The following WNK2 variants were observed in gnomAD, a reference collection of about 807,000 sequenced individuals.
WNK2 encodes WNK lysine deficient protein kinase 2.
Under a neutral mutation model 192.1 loss-of-function variants are expected in WNK2, and 67 were observed. The observed-to-expected ratio is 0.35, with a 90% CI of 0.29 to 0.43. The LOEUF (loss-of-function observed/expected upper bound fraction) is 0.43, where lower values mean the gene tolerates loss of function less well. Among genes scored for constraint, WNK2 ranks in the 20% least tolerant of loss-of-function variants. WNK2 has a pLI of 1.00. For missense variants in WNK2, 2,698 were observed against 3,089.7 expected, an observed-to-expected ratio of 0.87 and a Z score of 3.01; for synonymous variants, 1,439 against 1,393.9, an observed-to-expected ratio of 1.03 and a Z score of -0.72.
At position 93,230,975 on chromosome 9, in the gene WNK2, A is replaced by G. The variant is rs1365659377; in HGVS notation, c.942A>G (p.Thr314=). ...TGAAGGGCCTGCTGTTCCTGCACAC[A>G]AGGACGCCACCCATCATCCACCGAG... is the stretch of plus-strand genomic sequence containing the variant. ...QILKGLLFLH[T]RTPPIIHRDL... is the part of the protein sequence containing the mutation. Residue 314 remains threonine (T), a synonymous_variant, in exon 4 of 30, where the codon ACA becomes ACG. Coordinates refer to ENST00000427277, the MANE Select transcript of WNK2 (RefSeq NM_006648.4). 2 of 1,611,912 alleles carry G rather than the reference A, an allele frequency of 1.2e-6. No homozygotes were observed. Among genetic ancestry groups the G allele is most frequent in the Non-Finnish European group, 1.7e-6 (2 of 1,179,168 alleles).
At chr9:93,265,801 T>C (rs1219646813) in intron 16 of WNK2, among the ~76,000 whole-genome samples, 1 of 152,362 alleles carries the variant, frequency 6.6e-6, no homozygotes. Context: ...TCAGCCTGTG[T>C]CGTGTCCACT....
At chr9:93,285,907 G>A (rs1205275836) in intron 19 of WNK2, among the ~76,000 whole-genome samples, 2 of 152,158 alleles carry the variant, frequency 1.3e-5, no homozygotes, top group African/African-American at 2.4e-5. Flanking sequence ...TGACAAGAAA[G>A]GTCCGATTGT....
intron 2 of WNK2, among the ~76,000 whole-genome samples, chr9:93,210,427 C>T (rs1480251668): frequency 1.3e-5 from 2 of 151,998 alleles, no homozygotes; most frequent in East Asian, 3.9e-4. Flanking sequence ...TGGGTCAGGG[C>T]GGCTGTCAGG....
At chr9:93,264,410 C>A (rs144876538) in intron 16 of WNK2, among the ~76,000 whole-genome samples, 67 of 152,276 alleles carry the variant, frequency 4.4e-4, no homozygotes, top group African/African-American at 1.5e-3. Flanking sequence ...CCAGCCTCCC[C>A]AGCTGGAGTG....
Position 93,308,413 on chromosome 9 carries a change from C to T in WNK2, c.6345C>T (p.Asn2115=), listed in dbSNP as rs1249142562. The change falls in exon 28 of 30, where the codon AAC becomes AAT. Residue 2115 remains asparagine, a synonymous_variant. Transcript: ENST00000427277. The part of the protein sequence containing the change: ...LHVQAQVNNS[N]NKKGTFTDDL... ...TCCAGGCGCAGGTGAACAACAGCAA[C>T]AACAAGAAGGGTACCTTCACGGACG... 1 of 1,600,706 alleles carries T rather than the reference C, an allele frequency of 6.2e-7. No homozygotes were observed. Among genetic ancestry groups the T allele is most frequent in the Non-Finnish European group, 8.5e-7 (1 of 1,174,508 alleles).
rs986801697 is a variant in WNK2, at chr9:93,253,043, C to T, written c.1995C>T (p.Ser665=). Residue 665 remains serine (S), a synonymous_variant, in exon 9 of 30, where the codon AGC becomes AGT. Coordinates refer to ENST00000427277, the MANE Select transcript of WNK2 (RefSeq NM_006648.4). ...GCGAGGGGCCCGTCCTGCCGCAGAG[C>T]CTGCCCTCGCTGGGGGCCTACCAGC... ...PVSEGPVLPQ[S]LPSLGAYQQP... 2 of 1,527,046 alleles carry T rather than the reference C, an allele frequency of 1.3e-6. No individual in the cohort carries two copies. Among genetic ancestry groups the T allele is most frequent in the African/African-American group, 2.8e-5 (2 of 72,430 alleles). 94.6% of individuals were successfully genotyped at this position (1,527,046 alleles called of 1,614,324 possible). A position where few individuals can be genotyped will look rare whatever the true frequency, so the allele number is the denominator to read the frequency against.
At chr9:93,230,388 A>T (rs1400737696) in intron 3 of WNK2, among the ~76,000 whole-genome samples, 1 of 152,146 alleles carries the variant, frequency 6.6e-6, no homozygotes, top group Non-Finnish European at 1.5e-5. Flanking sequence ...GATGCGCTGC[A>T]AGAGGAGAGC....
At chr9:93,303,073 C>T (rs1341034212) in intron 26 of WNK2, among the ~76,000 whole-genome samples, 3 of 152,190 alleles carry the variant, frequency 2.0e-5, no homozygotes, top group Admixed American at 6.5e-5. Flanking sequence ...TCTGCACCAC[C>T]ACACCCAGCT....
rs1049079157 is a variant in WNK2 at position 93,229,513 on chromosome 9, G to A, written c.682-183G>A. ...CTTTTTGGGGGCTGTGTCCAGGGTT[G>A]TGGGGACTAAGGAGTCAGCAGTTGT... is the stretch of plus-strand genomic sequence containing the variant. On this transcript the variant is annotated intron_variant, in intron 2 of 29. Transcript: ENST00000427277. This position sits in a 1 kb window ranked among gnomAD's most constrained non-coding sequence, Gnocchi z 4.9. Among the ~76,000 whole-genome samples, 3 of 152,102 alleles carry A rather than the reference G, an allele frequency of 2.0e-5. No individual in the cohort carries two copies. The highest frequency in any genetic ancestry group is 4.4e-5 in the Non-Finnish European group (3 of 68,020).
chr9:93,293,291 C>G, intron 23 of WNK2, 118 bp downstream of exon 23: 1 of 949,008 alleles, frequency 1.1e-6, no homozygotes, highest in Middle Eastern at 3.4e-4. Flanking sequence ...CCACTTGGAG[C>G]TGCCAAGCAG....
chr9:93,226,586 C>T (rs1837857575), intron 2 of WNK2, among the ~76,000 whole-genome samples: 1 of 152,170 alleles, frequency 6.6e-6, no homozygotes, highest in African/African-American at 2.4e-5. Flanking sequence ...TGATGTGGAA[C>T]ATTTCTCCAT....
chr9:93,287,021 C>T (rs536441579), intron 19 of WNK2, among the ~76,000 whole-genome samples: 7 of 152,278 alleles, frequency 4.6e-5, no homozygotes, highest in South Asian at 4.1e-4. Context: ...GAGAGGGAAA[C>T]GGAGTTACCA....
In WNK2 at chr9:93,259,493, C is replaced by G. The variant is rs191106035; in HGVS notation, c.2945C>G (p.Pro982Arg). The G allele has an allele frequency of 1.9e-6, 3 of 1,550,026 alleles. No homozygotes were observed. The highest frequency in any genetic ancestry group is 2.8e-5 in the African/African-American group (2 of 71,362). ...PTRPPQPVLP[P>R]QPMLPPQPVL... Reference sequence around the variant, plus strand: ...CGGCCCCCTCAACCTGTGCTGCCCCCGCAACCCATGCTGCCCCCACAACCT... The same window carrying G: ...CGGCCCCCTCAACCTGTGCTGCCCCGGCAACCCATGCTGCCCCCACAACCT... The change falls in exon 12 of 30, where the codon CCG becomes CGG. Residue 982 changes from proline (P) to arginine (R), a missense_variant. Around this residue, in one of 7 missense-constraint regions of WNK2, gnomAD observed 893 missense variants for 909.0 expected, o/e 0.98. Coordinates refer to ENST00000427277, the MANE Select transcript of WNK2 (RefSeq NM_006648.4). This position sits in a 1 kb window ranked among gnomAD's most constrained non-coding sequence, Gnocchi z 4.8.
At chr9:93,187,208 T>A (rs1829503404) in intron 2 of WNK2, among the ~76,000 whole-genome samples, 1 of 152,132 alleles carries the variant, frequency 6.6e-6, no homozygotes, top group Admixed American at 6.5e-5. Flanking sequence ...CGCAGGCGCA[T>A]GTGACTCTTG....
chr9:93,306,512 A>G, intron 26 of WNK2: 1 of 430,816 alleles, frequency 2.3e-6, no homozygotes. Flanking sequence ...TTCTTAGAAT[A>G]TGCTTCTAGA....
intron 8 of WNK2, among the ~76,000 whole-genome samples, chr9:93,250,815 C>T (rs1482247228): frequency 7.7e-6 from 1 of 129,738 alleles, no homozygotes; most frequent in East Asian, 2.2e-4. Flanking sequence ...GACGGAGTCT[C>T]GCTCTGTCAC....
At chr9:93,194,873 G>A in intron 2 of WNK2, among the ~76,000 whole-genome samples, 1 of 152,160 alleles carries the variant, frequency 6.6e-6, no homozygotes, top group East Asian at 1.9e-4. Context: ...CTTATTTAGT[G>A]CTAAAAGAAA....
At chr9:93,277,404 T>C (rs1292390598) in intron 19 of WNK2, among the ~76,000 whole-genome samples, 1 of 152,218 alleles carries the variant, frequency 6.6e-6, no homozygotes, top group African/African-American at 2.4e-5. Flanking sequence ...TAAACATCTA[T>C]GTATGAATGA....
chr9:93,308,127 G>A (rs1852946555), intron 27 of WNK2: 2 of 1,120,954 alleles, frequency 1.8e-6, no homozygotes, highest in East Asian at 5.2e-5. Flanking sequence ...TGGCCACCTG[G>A]CACAGCCCAT....
Sources: allele counts gnomAD v4.1 joint callset (sites outside exome capture counted in the v4.1 genomes callset), GRCh38; gene constraint gnomAD v4.1.1; regional missense constraint gnomAD v4.1.1; non-coding constraint Gnocchi (gnomAD v3.1); transcripts MANE v1.5; gene names NCBI Gene and HGNC (gene_info 2026-07-23, HGNC 2026-07-21).